GRM7: variants seen among roughly 807,000 people sequenced by gnomAD.
The protein encoded by GRM7 is metabotropic glutamate receptor 7.
A neutral mutation model predicts 84.5 loss-of-function variants in GRM7; 35 were observed. The ratio of observed to expected loss-of-function variants is 0.41; its 90% CI spans 0.32 to 0.55. GRM7 has a LOEUF of 0.55. GRM7 is among the 20% of genes least tolerant of loss of function. GRM7 has a pLI of 0.19. For missense variants in GRM7, 1,003 were observed against 1,194.6 expected (o/e 0.84, Z 2.36); for synonymous variants, 487 against 455.1 (o/e 1.07, Z -0.89).
rs1056621577 is a variant in GRM7, at chr3:6,861,270, C to A, written c.-119C>A. ...CCCCTCCCCGGATTCCCCCACCCTC[C>A]GTGCCTGCAGGAGCCCCTGGGCTTT... On this transcript the variant is annotated 5_prime_UTR_variant, in exon 1 of 10. Transcript: ENST00000357716. This position sits in a 1 kb window ranked among gnomAD's most constrained non-coding sequence, Gnocchi z 6.4. The A allele has an allele frequency of 2.4e-6, 2 of 832,916 alleles. No homozygotes were observed. The highest frequency in any genetic ancestry group is 3.4e-6 in the Non-Finnish European group (2 of 595,942). The allele number at this position is 832,916 out of a possible 1,614,324, so 51.6% of individuals were successfully genotyped here.
Position 7,578,768 on chromosome 3 carries a change from T to C in GRM7, c.1862T>C (p.Val621Ala). 5.0e-6 allele frequency: 8 copies of C among 1,613,792 alleles called. No homozygotes were observed. Among genetic ancestry groups the C allele is most frequent in the Non-Finnish European group, 6.8e-6 (8 of 1,179,690 alleles). The part of the protein sequence containing the change: ...TFIRYNDTPI[V>A]RASGRELSYV... ...ATCCGCTACAATGACACGCCCATTG[T>C]CCGGGCATCTGGGCGGGAACTCAGC... Residue 621 changes from valine to alanine, a missense_variant, in exon 8 of 10, where the codon GTC becomes GCC. Around this residue, in one of 2 missense-constraint regions of GRM7, gnomAD observed 910 missense variants for 1,126.0 expected, o/e 0.81. Transcript: ENST00000357716.
At chr3:7,102,711 G>A (rs973509131) in intron 1 of GRM7, among the ~76,000 whole-genome samples, 5 of 151,532 alleles carry the variant, frequency 3.3e-5, no homozygotes, top group African/African-American at 1.2e-4. Context: ...ATTGTCCCAC[G>A]GGTCACTAAG....
rs73123706 is a variant in GRM7 at position 7,679,314 on chromosome 3, G to C, written c.2452-735G>C. ...GGAAGGCAAGACAGGGGATCAGGGG[G>C]TCAGGGAGTTGGGAAATAGTGGACA... On this transcript the variant is annotated intron_variant, in intron 8 of 9. Transcript: ENST00000357716. 6.2e-3 allele frequency among the ~76,000 whole-genome samples: 936 copies of C among 151,980 alleles called. 6 individuals carry two copies. Among genetic ancestry groups the C allele is most frequent in the African/African-American group, 0.022 (899 of 41,500 alleles).
At chr3:7,317,815 CAAG>C (rs1213020225) in intron 4 of GRM7, among the ~76,000 whole-genome samples, 5 of 151,050 alleles carry the variant, frequency 3.3e-5, no homozygotes, top group Admixed American at 3.3e-4. Flanking sequence ...AGACTGCTGT[CAAG>C]AAGAAGAGGT....
rs1350984812 is a variant in GRM7 at position 6,986,498 on chromosome 3, T to G, written c.519+124591T>G. 2.0e-5 allele frequency among the ~76,000 whole-genome samples: 3 copies of G among 152,192 alleles called. No individual in the cohort carries two copies. In the East Asian group the frequency reaches 5.8e-4, roughly 29 times the overall value. The stretch of plus-strand genomic sequence containing the variant: ...TTAGTTCCAGTTCTACATCTTGAAA[T>G]GGATTGTTTTCCTAACTTCTAATGT... On this transcript the variant is annotated intron_variant, in intron 1 of 9. Transcript: ENST00000357716.
At chr3:7,316,438 C>A (rs1320756025) in intron 4 of GRM7, among the ~76,000 whole-genome samples, 1 of 151,968 alleles carries the variant, frequency 6.6e-6, no homozygotes, top group Non-Finnish European at 1.5e-5. Flanking sequence ...GAAACAACAA[C>A]CACCGCAACA....
intron 1 of GRM7, among the ~76,000 whole-genome samples, chr3:6,927,503 AAGAAAGAAAG>A (rs1277390221): frequency 6.6e-6 from 1 of 150,882 alleles, no homozygotes; most frequent in Non-Finnish European, 1.5e-5. Context: ...GAAAGAAAGA[AAGAAAGAAAG>A]AAAGAAGAGA....
chr3:6,894,723 G>A lies in GRM7; in HGVS notation c.519+32816G>A, dbSNP rs556261793. The stretch of plus-strand genomic sequence containing the variant: ...GGGTAGGCTTCCAGCAGCTTTACTC[G>A]ATTCTGACTTTAGGATAAAATCAAG... On this transcript the variant is annotated intron_variant, in intron 1 of 9. Coordinates refer to ENST00000357716, the MANE Select transcript of GRM7 (RefSeq NM_000844.4). 2.7e-4 allele frequency among the ~76,000 whole-genome samples: 41 copies of A among 152,224 alleles called. 1 individual carries two copies. Among genetic ancestry groups the A allele is most frequent in the Admixed American group, 7.2e-4 (11 of 15,284 alleles).
intron 2 of GRM7, among the ~76,000 whole-genome samples, chr3:7,260,052 T>A (rs1349241477): frequency 4.6e-5 from 7 of 151,442 alleles, no homozygotes; most frequent in Non-Finnish European, 1.0e-4. Context: ...TCAGTGATAT[T>A]GAGCCTTCTT....
chr3:7,737,650 C>T (rs760881063), intron 9 of GRM7, among the ~76,000 whole-genome samples: 1 of 152,110 alleles, frequency 6.6e-6, no homozygotes, highest in African/African-American at 2.4e-5. Flanking sequence ...CCTTCTAGGA[C>T]CTGCATAAAC....
intron 4 of GRM7, among the ~76,000 whole-genome samples, chr3:7,411,884 T>A (rs1207086958): frequency 4.6e-5 from 7 of 152,182 alleles, no homozygotes; most frequent in Admixed American, 1.3e-4. Context: ...GCCTATTTTT[T>A]AAAATTTTTG....
chr3:7,463,940 A>T (rs1376580175), intron 7 of GRM7, among the ~76,000 whole-genome samples: 2 of 152,188 alleles, frequency 1.3e-5, no homozygotes, highest in Admixed American at 6.5e-5. Flanking sequence ...TGCTGGGAAG[A>T]TAATGGAGGG....
chr3:7,690,480 C>A (rs890270608), intron 9 of GRM7, among the ~76,000 whole-genome samples: 8 of 152,168 alleles, frequency 5.3e-5, no homozygotes, highest in African/African-American at 1.9e-4. Context: ...CCTCTAAGGT[C>A]ACAAAGCCCA....
At chr3:7,731,213 C>T (rs1488645019) in intron 9 of GRM7, among the ~76,000 whole-genome samples, 1 of 151,772 alleles carries the variant, frequency 6.6e-6, no homozygotes, top group Non-Finnish European at 1.5e-5. Flanking sequence ...AAAAAGAATG[C>T]TGTGGCTGAA....
chr3:7,088,518 G>C (rs551844617), intron 1 of GRM7, among the ~76,000 whole-genome samples: 37 of 149,776 alleles, frequency 2.5e-4, no homozygotes, highest in Admixed American at 2.3e-3. Flanking sequence ...CATTTGCAGT[G>C]CCAGGGATGA....
At chr3:6,946,121 T>G (rs1051204084) in intron 1 of GRM7, among the ~76,000 whole-genome samples, 3 of 152,228 alleles carry the variant, frequency 2.0e-5, no homozygotes, top group African/African-American at 7.2e-5. Context: ...GTTTTAGACA[T>G]GAAGTACTTG....
At chr3:7,713,854 A>T in intron 9 of GRM7, among the ~76,000 whole-genome samples, 1 of 125,576 alleles carries the variant, frequency 8.0e-6, no homozygotes, top group Admixed American at 1.0e-4. Flanking sequence ...GCCTTGAGAC[A>T]TCCACCCACT....
chr3:7,351,389 C>G (rs79858821), intron 4 of GRM7, among the ~76,000 whole-genome samples: 1 of 150,062 alleles, frequency 6.7e-6, no homozygotes, highest in African/African-American at 2.5e-5. Flanking sequence ...CTGACCCAAC[C>G]CTCCTTCATC....
intron 7 of GRM7, among the ~76,000 whole-genome samples, chr3:7,524,245 A>G (rs920701234): frequency 1.3e-5 from 2 of 150,588 alleles, no homozygotes; most frequent in Non-Finnish European, 2.9e-5. Context: ...AATGGCAACA[A>G]AAGCCAAAAT....
Sources: gnomAD v4.1 joint callset for allele counts (sites outside exome capture counted in the v4.1 genomes callset) on GRCh38, gnomAD v4.1.1 for gene constraint, gnomAD v4.1.1 regional missense constraint, Gnocchi (gnomAD v3.1) non-coding constraint, MANE v1.5 for transcripts, NCBI Gene and HGNC (gene_info 2026-07-23, HGNC 2026-07-21) for gene names.